Variants in RABGAP1L observed in about 807,000 individuals in gnomAD.
RABGAP1L encodes the protein rab GTPase-activating protein 1-like.
Under a neutral mutation model 137.7 loss-of-function variants are expected in RABGAP1L, and 63 were observed. That is an observed-to-expected ratio of 0.46 (90% CI 0.37 to 0.56). RABGAP1L has a LOEUF of 0.56. Among genes scored for constraint, RABGAP1L ranks in the 20% least tolerant of loss-of-function variants. The pLI is 0.00. For missense variants in RABGAP1L, 1,095 were observed against 1,244.0 expected (o/e 0.88, Z 1.80); for synonymous variants, 431 against 433.7 (o/e 0.99, Z 0.08).
chr1:174,676,032 C>G (rs1204447027), intron 14 of RABGAP1L, among the ~76,000 whole-genome samples: 1 of 151,986 alleles, frequency 6.6e-6, no homozygotes, highest in African/African-American at 2.4e-5. Context: ...GGTACTTACA[C>G]AAATACTACC....
intron 19 of RABGAP1L, among the ~76,000 whole-genome samples, chr1:174,920,664 A>G (rs545508583): frequency 6.6e-6 from 1 of 152,284 alleles, no homozygotes; most frequent in South Asian, 2.1e-4. Context: ...TAAAGTGGTA[A>G]TTAAGGTAAA....
chr1:174,503,897 G>T (rs921818688), intron 13 of RABGAP1L, among the ~76,000 whole-genome samples: 1 of 151,518 alleles, frequency 6.6e-6, no homozygotes, highest in East Asian at 1.9e-4. Flanking sequence ...TGTGTTCATA[G>T]ATTAGAAGAA....
chr1:174,193,121 A>T (rs1205552642), intron 1 of RABGAP1L, among the ~76,000 whole-genome samples: 1 of 152,236 alleles, frequency 6.6e-6, no homozygotes, highest in African/African-American at 2.4e-5. Context: ...AAATAGTAGT[A>T]ATAAAAGGAT....
intron 13 of RABGAP1L, among the ~76,000 whole-genome samples, chr1:174,475,579 T>C (rs1404358586): frequency 2.6e-5 from 4 of 151,830 alleles, no homozygotes; most frequent in Admixed American, 2.6e-4. Context: ...GTTTATTGAA[T>C]TTGAAAGGAT....
At chr1:174,985,507 G>A (rs1336422296) in intron 24 of RABGAP1L, among the ~76,000 whole-genome samples, 1 of 152,236 alleles carries the variant, frequency 6.6e-6, no homozygotes, top group Non-Finnish European at 1.5e-5. Flanking sequence ...AAGCCTGGAA[G>A]TCAGACTCTA....
At chr1:174,653,561 G>C (rs1313936080) in intron 14 of RABGAP1L, among the ~76,000 whole-genome samples, 2 of 152,140 alleles carry the variant, frequency 1.3e-5, no homozygotes, top group Non-Finnish European at 2.9e-5. Flanking sequence ...CCCTTGTGAG[G>C]TGACACCCCA....
At chr1:174,918,830 C>CT (rs879910862) in intron 19 of RABGAP1L, among the ~76,000 whole-genome samples, 1 of 151,420 alleles carries the variant, frequency 6.6e-6, no homozygotes, top group Non-Finnish European at 1.5e-5. Context: ...CCCACCCCCC[C>CT]GATCTCTACA....
chr1:174,787,402 CAAAAA>C (rs35930436), intron 18 of RABGAP1L, among the ~76,000 whole-genome samples: 10 of 119,886 alleles, frequency 8.3e-5, no homozygotes, highest in Non-Finnish European at 1.0e-4. Context: ...GACTCTGTGT[CAAAAA>C]AAAAAAAAAA....
intron 13 of RABGAP1L, among the ~76,000 whole-genome samples, chr1:174,532,626 A>G (rs536352429): frequency 7.2e-5 from 11 of 152,332 alleles, no homozygotes; most frequent in African/African-American, 2.4e-4. Flanking sequence ...AAAAAACAAG[A>G]TAGGTATGAA....
intron 12 of RABGAP1L, among the ~76,000 whole-genome samples, chr1:174,387,442 A>C (rs1686887923): frequency 6.6e-6 from 1 of 152,196 alleles, no homozygotes; most frequent in South Asian, 2.1e-4. Flanking sequence ...TTGAATGTAC[A>C]CAGAAATAAA....
Position 174,934,084 on chromosome 1 carries a change from TTTG to T in RABGAP1L, c.2341-23358_2341-23356del, listed in dbSNP as rs534054301. On this transcript the variant is annotated intron_variant, in intron 19 of 25. Transcript: ENST00000681986. The stretch of plus-strand genomic sequence containing the variant: ...GTTTTGCAGTTTTCATTTTTGTTTT[TTTG>T]TTGTTGTTGTTGTTATTTTGAGATG... Among the ~76,000 whole-genome samples the T allele has an allele frequency of 3.6e-3, 554 of 152,268 alleles. 1 individual carries two copies. Among genetic ancestry groups the T allele is most frequent in the Non-Finnish European group, 6.1e-3 (413 of 68,020 alleles).
chr1:174,549,853 G>T (rs568605321), intron 13 of RABGAP1L, among the ~76,000 whole-genome samples: 1 of 152,216 alleles, frequency 6.6e-6, no homozygotes, highest in East Asian at 1.9e-4. Context: ...CTCACCCAAG[G>T]TTTTGGAAAT....
At chr1:174,616,384 G>C (rs528226662) in intron 13 of RABGAP1L, among the ~76,000 whole-genome samples, 2 of 152,302 alleles carry the variant, frequency 1.3e-5, no homozygotes, top group Admixed American at 1.3e-4. Flanking sequence ...TTTAAAACTT[G>C]AGTCTGTCTC....
At chr1:174,161,038 A>G (rs908135229) in intron 1 of RABGAP1L, among the ~76,000 whole-genome samples, 1 of 152,152 alleles carries the variant, frequency 6.6e-6, no homozygotes, top group Non-Finnish European at 1.5e-5. Context: ...TTATCATCAA[A>G]TTGTATTAAA....
chr1:174,588,555 TA>T (rs1368196691), intron 13 of RABGAP1L, among the ~76,000 whole-genome samples: 4 of 152,194 alleles, frequency 2.6e-5, no homozygotes, highest in African/African-American at 9.6e-5. Flanking sequence ...TCATTCTATC[TA>T]ACTATATTTT....
chr1:174,854,666 A>G (rs529169689), intron 19 of RABGAP1L, among the ~76,000 whole-genome samples: 4 of 149,864 alleles, frequency 2.7e-5, no homozygotes, highest in African/African-American at 7.4e-5. Context: ...AATTTGAAAA[A>G]AAAACTTTTA....
At chr1:174,869,463 C>T (rs562857800) in intron 19 of RABGAP1L, among the ~76,000 whole-genome samples, 1 of 152,272 alleles carries the variant, frequency 6.6e-6, no homozygotes, top group Non-Finnish European at 1.5e-5. Context: ...GTCCTTGCTT[C>T]CCCTTCACCT....
chr1:174,950,717 A>G (rs1288071840), intron 19 of RABGAP1L, among the ~76,000 whole-genome samples: 1 of 152,178 alleles, frequency 6.6e-6, no homozygotes, highest in Non-Finnish European at 1.5e-5. Flanking sequence ...ATTAAATGAG[A>G]TAATTTATAT....
At chr1:174,165,229 A>G (rs539693339) in intron 1 of RABGAP1L, among the ~76,000 whole-genome samples, 4 of 152,192 alleles carry the variant, frequency 2.6e-5, no homozygotes, top group Non-Finnish European at 5.9e-5. Context: ...GCTCACTGCA[A>G]CCTCTGCCTC....
Sources: gnomAD v4.1 joint callset for allele counts (sites outside exome capture counted in the v4.1 genomes callset) on GRCh38, gnomAD v4.1.1 for gene constraint, MANE v1.5 for transcripts, NCBI Gene and HGNC (gene_info 2026-07-23, HGNC 2026-07-21) for gene names.